HERC2: variants seen among roughly 807,000 people sequenced by gnomAD.
HERC2 encodes HECT and RLD domain containing E3 ubiquitin protein ligase 2.
HERC2 carries 102 observed loss-of-function variants against 537.7 expected under a neutral mutation model. That is an observed-to-expected ratio of 0.19 (90% CI 0.16 to 0.22). The LOEUF (loss-of-function observed/expected upper bound fraction) is 0.22. Among genes scored for constraint, HERC2 ranks in the 10% least tolerant of loss-of-function variants. The pLI, the probability that HERC2 is intolerant of heterozygous loss-of-function variation, is 1.00. For missense variants in HERC2, 4,236 were observed against 6,198.2 expected (o/e 0.68, Z 10.63); for synonymous variants, 2,224 against 2,466.2 (o/e 0.90, Z 2.91).
chr15:28,264,020 CAAAAAAAAAAA>C (rs34823980), intron 14 of HERC2, among the ~76,000 whole-genome samples: 1 of 83,706 alleles, frequency 1.2e-5, no homozygotes, highest in Non-Finnish European at 2.8e-5. Flanking sequence ...CTTTGTCTTA[CAAAAAAAAAAA>C]AAAAAAACAA....
chr15:28,117,326 G>A (rs753594827), intron 86 of HERC2, 172 bp from the exon 87 acceptor site: 9 of 736,718 alleles, frequency 1.2e-5, no homozygotes, highest in African/African-American at 6.9e-5. Flanking sequence ...TGGGGCGCTC[G>A]ACTGTGGACA....
chr15:28,286,366 C>T (rs777079379), intron 4 of HERC2, among the ~76,000 whole-genome samples: 3 of 151,844 alleles, frequency 2.0e-5, no homozygotes, highest in Non-Finnish European at 2.9e-5. Context: ...AAATATACAG[C>T]GAATTATTAG....
intron 15 of HERC2, among the ~76,000 whole-genome samples, 162 bp from the exon 16 acceptor site, chr15:28,261,132 T>C (rs2075404322): frequency 6.6e-6 from 1 of 152,218 alleles, no homozygotes; most frequent in Non-Finnish European, 1.5e-5. Context: ...TTTGGGTGTG[T>C]TATTAAAACT....
intron 22 of HERC2, among the ~76,000 whole-genome samples, 198 bp downstream of exon 22, chr15:28,246,544 T>A (rs1057040781): frequency 3.3e-5 from 5 of 151,922 alleles, no homozygotes; most frequent in Admixed American, 6.6e-5. Context: ...CCAATTACAT[T>A]TAAAGTGATA....
At position 28,248,652 on chromosome 15, in the gene HERC2, A is replaced by G; in HGVS notation, c.3135T>C (p.Arg1045=). The change falls in exon 21 of 93, where the codon CGT becomes CGC. Residue 1045 remains arginine, a synonymous_variant. Transcript: ENST00000261609. ...SSCLDFEQHS[R]ERSASLDLLL... ...ACAAATCCAATGAAGCAGATCTTTC[A>G]CGACTGTGTTGCTCAAAGTCCAGAC... 1.2e-6 allele frequency: 2 copies of G among 1,613,930 alleles called. No individual in the cohort carries two copies. The highest frequency in any genetic ancestry group is 1.7e-6 in the Non-Finnish European group (2 of 1,179,750).
chr15:28,232,069 C>T (rs559281048), intron 30 of HERC2, among the ~76,000 whole-genome samples: 1 of 152,274 alleles, frequency 6.6e-6, no homozygotes, highest in Non-Finnish European at 1.5e-5. Context: ...GGATCCAGAG[C>T]ACCCCTCGCA....
chr15:28,175,531 G>C lies in HERC2; in HGVS notation c.9812C>G (p.Ala3271Gly). Reference protein sequence around the residue: ...HVAVGALHCLAVTDSGQVYAW... With the variant: ...HVAVGALHCLGVTDSGQVYAW... The stretch of plus-strand genomic sequence containing the variant: ...CCTTACCTGCCCCGAGTCCGTGACC[G>C]CCAGGCAGTGCAGGGCCCCGACAGC... Residue 3271 changes from alanine (A) to glycine (G), a missense_variant, in exon 64 of 93, where the codon GCG becomes GGG. Ala to Gly is a moderately conservative substitution (Grantham distance 60). Transcript: ENST00000261609. 1 of 1,612,762 alleles carries C rather than the reference G, an allele frequency of 6.2e-7. No individual in the cohort carries two copies. The highest frequency in any genetic ancestry group is 8.5e-7 in the Non-Finnish European group (1 of 1,179,316).
chr15:28,310,288 A>C (rs943653388), intron 2 of HERC2, among the ~76,000 whole-genome samples: 3 of 152,090 alleles, frequency 2.0e-5, no homozygotes, highest in African/African-American at 7.2e-5. Context: ...TCTACCAAAA[A>C]TACAAAAAAT....
intron 45 of HERC2, chr15:28,204,065 A>G (rs1222054764): frequency 6.6e-6 from 1 of 152,178 alleles, no homozygotes; most frequent in Non-Finnish European, 1.5e-5. Flanking sequence ...ATCAAGGAGG[A>G]CTGCCAGGTA....
Position 28,176,355 on chromosome 15 carries a change from TG to T in HERC2, c.9686+72del. 5.5e-6 allele frequency: 8 copies of T among 1,452,526 alleles called. No homozygotes were observed. Among genetic ancestry groups the T allele is most frequent in the Middle Eastern group, 1.9e-4 (1 of 5,344 alleles). The allele number at this position is 1,452,526 out of a possible 1,614,324, so 90.0% of individuals were successfully genotyped here. ...ACGTCACAATCACGCCGGGTGAGCCTGGGGCGAGGCCCAGGTTCCCTGCACA... is the reference window on the plus strand; with the variant it reads ...ACGTCACAATCACGCCGGGTGAGCCTGGGCGAGGCCCAGGTTCCCTGCACA... On this transcript the variant is annotated intron_variant, in intron 63 of 92. Coordinates refer to ENST00000261609, the MANE Select transcript of HERC2 (RefSeq NM_004667.6). The surrounding 1 kb of genome is among the most constrained non-coding windows in gnomAD (Gnocchi z 5.0).
chr15:28,240,279 G>A (rs1057071982), intron 23 of HERC2, among the ~76,000 whole-genome samples: 10 of 152,064 alleles, frequency 6.6e-5, no homozygotes, highest in Admixed American at 1.3e-4. Flanking sequence ...TTAGCCGGGC[G>A]TGGTGGCAGG....
intron 4 of HERC2, among the ~76,000 whole-genome samples, chr15:28,282,186 C>T (rs1237371154): frequency 3.9e-5 from 6 of 152,122 alleles, no homozygotes; most frequent in East Asian, 1.9e-4. Context: ...AGGTGAAGCA[C>T]GCCCTATCCC....
intron 3 of HERC2, among the ~76,000 whole-genome samples, chr15:28,297,606 C>G (rs1400123940): frequency 6.6e-6 from 1 of 151,378 alleles, no homozygotes; most frequent in Non-Finnish European, 1.5e-5. Flanking sequence ...AGAAGCCAGA[C>G]ACAGAAGAAC....
intron 88 of HERC2, 126 bp from the exon 89 acceptor site, chr15:28,115,667 C>T (rs1270700434): frequency 3.0e-6 from 2 of 664,702 alleles, no homozygotes; most frequent in Admixed American, 2.3e-5. Flanking sequence ...GCAGCAACAC[C>T]CACATCATAG....
In HERC2 at chr15:28,260,982, G is replaced by A; in HGVS notation, c.2123-12C>T. The A allele has an allele frequency of 6.2e-7, 1 of 1,604,056 alleles. No homozygotes were observed. The highest frequency in any genetic ancestry group is 8.5e-7 in the Non-Finnish European group (1 of 1,172,848). On this transcript the variant is annotated splice_polypyrimidine_tract_variant and intron_variant, in intron 15 of 92. Transcript: ENST00000261609. ...AATCACCTTCTTCCCTACAAGGGAA[G>A]AGGGATGCAGATGCAGCTTCAAGCC...
chr15:28,215,110 C>T (rs1337736560), intron 39 of HERC2, among the ~76,000 whole-genome samples: 1 of 152,092 alleles, frequency 6.6e-6, no homozygotes, highest in Admixed American at 6.6e-5. Context: ...AACTCCTGAC[C>T]TCATTATCCA....
At chr15:28,164,345 T>C (rs1409797591) in intron 68 of HERC2, among the ~76,000 whole-genome samples, 2 of 152,194 alleles carry the variant, frequency 1.3e-5, no homozygotes, top group African/African-American at 4.8e-5. Flanking sequence ...ACCACTCTGA[T>C]TTAGGAACAA....
chr15:28,138,492 T>C (rs957873946), intron 78 of HERC2, among the ~76,000 whole-genome samples: 12 of 152,316 alleles, frequency 7.9e-5, no homozygotes, highest in Admixed American at 1.3e-4. Flanking sequence ...ACTCTGACTG[T>C]GCTCCAGAAA....
At chr15:28,299,067 T>C (rs1481707976) in intron 3 of HERC2, among the ~76,000 whole-genome samples, 1 of 152,174 alleles carries the variant, frequency 6.6e-6, no homozygotes, top group African/African-American at 2.4e-5. Context: ...ATGATAGTCT[T>C]ACTGAGCATG....
Sources: allele counts gnomAD v4.1 joint callset (sites outside exome capture counted in the v4.1 genomes callset), GRCh38; gene constraint gnomAD v4.1.1; non-coding constraint Gnocchi (gnomAD v3.1); transcripts MANE v1.5; gene names NCBI Gene and HGNC (gene_info 2026-07-23, HGNC 2026-07-21).